STIM1: variants seen among roughly 807,000 people sequenced by gnomAD.
The protein encoded by STIM1 is stromal interaction molecule 1.
A neutral mutation model predicts 74.7 loss-of-function variants in STIM1; 25 were observed. The ratio of observed to expected loss-of-function variants is 0.33; its 90% CI spans 0.24 to 0.47. The LOEUF (loss-of-function observed/expected upper bound fraction) is 0.47, where lower values mean the gene tolerates loss of function less well. STIM1 is among the 20% of genes least tolerant of loss of function. STIM1 has a pLI of 1.00. For missense variants in STIM1, 728 were observed against 920.8 expected, an observed-to-expected ratio of 0.79 and a Z score of 2.71; for synonymous variants, 328 against 348.8, an observed-to-expected ratio of 0.94 and a Z score of 0.66.
At chr11:4,086,736 C>T in intron 12 of STIM1, 193 bp downstream of exon 12, 1 of 1,537,738 alleles carries the variant, frequency 6.5e-7, no homozygotes, top group Middle Eastern at 1.7e-4. Context: ...CCACCTTCAC[C>T]ACCGTCCATG....
chr11:3,941,673 T>TAGAGAGAGAGAGAGAGAGAG (rs1554959602), intron 1 of STIM1, among the ~76,000 whole-genome samples: 2 of 90,736 alleles, frequency 2.2e-5, no homozygotes, highest in African/African-American at 7.4e-5. Flanking sequence ...TATATATATA[T>TAGAGAGAGAGAGAGAGAGAG]AGAGAGAGAG....
rs528636362 is a variant in STIM1 at position 4,024,231 on chromosome 11, C to T, written c.385+244C>T. On this transcript the variant is annotated intron_variant, in intron 3 of 12. Coordinates refer to ENST00000526596, the MANE Select transcript of STIM1 (RefSeq NM_001382567.1). ...TTTTGAATTCTATCCTATTCCTACC[C>T]CTTTCGTCACCCACCTAACCCTGGC... Among the ~76,000 whole-genome samples, 55 of 152,228 alleles carry T rather than the reference C, an allele frequency of 3.6e-4. 2 individuals carry two copies. In the East Asian group the frequency reaches 4.8e-3, roughly 13 times the overall value.
intron 11 of STIM1, 144 bp downstream of exon 11, chr11:4,084,909 G>C: frequency 1.7e-6 from 1 of 586,684 alleles, no homozygotes; most frequent in Non-Finnish European, 2.7e-6. Flanking sequence ...ACTAACTACA[G>C]GGAGGGGTTC....
At chr11:4,039,518 A>C (rs2094130943) in intron 3 of STIM1, among the ~76,000 whole-genome samples, 1 of 143,932 alleles carries the variant, frequency 6.9e-6, no homozygotes, top group African/African-American at 2.5e-5. Flanking sequence ...CCCAGGAGGC[A>C]GAGGTTGCAG....
intron 1 of STIM1, among the ~76,000 whole-genome samples, chr11:3,933,632 C>T (rs1037758937): frequency 1.3e-5 from 2 of 152,178 alleles, no homozygotes; most frequent in African/African-American, 2.4e-5. Context: ...TAAGGATTCT[C>T]AACATGGCTG....
intron 2 of STIM1, among the ~76,000 whole-genome samples, chr11:3,982,155 T>C (rs1211971904): frequency 1.6e-5 from 2 of 122,880 alleles, no homozygotes; most frequent in East Asian, 2.5e-4. Flanking sequence ...GCCTCCTGAG[T>C]AGCTGGGACT....
intron 2 of STIM1, among the ~76,000 whole-genome samples, chr11:3,971,252 G>A (rs1409501471): frequency 1.3e-5 from 2 of 150,698 alleles, no homozygotes; most frequent in South Asian, 2.1e-4. Context: ...AAAAAGGGCC[G>A]GGCACGGTGG....
In STIM1 at chr11:4,091,583, C is replaced by G; in HGVS notation, c.1936C>G (p.Arg646Gly). Residue 646 changes from arginine (R) to glycine (G), a missense_variant, in exon 13 of 13, where the codon CGT (arginine) becomes GGT (glycine). Coordinates refer to ENST00000526596, the MANE Select transcript of STIM1 (RefSeq NM_001382567.1). Reference sequence around the variant, plus strand: ...TGGCTCTCCACATTTGGATTCTTCCCGTTCTCACAGCCCCAGCTCCCCAGA... The same window carrying G: ...TGGCTCTCCACATTTGGATTCTTCCGGTTCTCACAGCCCCAGCTCCCCAGA... ...PGGSPHLDSS[R>G]SHSPSSPDPD... 6.2e-7 allele frequency: 1 copy of G among 1,614,216 alleles called. No homozygotes were observed. The highest frequency in any genetic ancestry group is 8.5e-7 in the Non-Finnish European group (1 of 1,180,044).
chr11:3,856,992 G>A (rs1456997919), intron 1 of STIM1, among the ~76,000 whole-genome samples: 1 of 150,624 alleles, frequency 6.6e-6, no homozygotes, highest in Non-Finnish European at 1.5e-5. Flanking sequence ...CAACTAGGGT[G>A]TTAAATGGCC....
At chr11:3,966,456 G>A (rs1292714179) in intron 1 of STIM1, among the ~76,000 whole-genome samples, 1 of 152,126 alleles carries the variant, frequency 6.6e-6, no homozygotes, top group Non-Finnish European at 1.5e-5. Context: ...TTTGATTAGT[G>A]CCTTCTAAAA....
At chr11:4,070,254 C>A (rs767209828) in intron 6 of STIM1, 51 bp downstream of exon 6, 2 of 1,608,022 alleles carry the variant, frequency 1.2e-6, no homozygotes, top group East Asian at 2.2e-5. Flanking sequence ...TCTTGGGAAC[C>A]TCCTATTTCC....
At chr11:4,081,560 G>T (rs2094465521) in intron 7 of STIM1, among the ~76,000 whole-genome samples, 1 of 152,224 alleles carries the variant, frequency 6.6e-6, no homozygotes, top group African/African-American at 2.4e-5. Flanking sequence ...CCCTTCTGAA[G>T]TACCAATCAT....
At chr11:4,015,861 T>C (rs2093891397) in intron 2 of STIM1, among the ~76,000 whole-genome samples, 1 of 152,336 alleles carries the variant, frequency 6.6e-6, no homozygotes, top group Middle Eastern at 3.4e-3. Context: ...GTATGCTTCA[T>C]GAAGTTCTCG....
chr11:4,005,642 A>C (rs1475308399), intron 2 of STIM1, among the ~76,000 whole-genome samples: 2 of 151,964 alleles, frequency 1.3e-5, no homozygotes, highest in African/African-American at 4.8e-5. Flanking sequence ...TGACGAGTTA[A>C]TGGGTGCAGC....
chr11:3,864,426 T>A (rs889754680), intron 1 of STIM1, among the ~76,000 whole-genome samples: 1 of 152,144 alleles, frequency 6.6e-6, no homozygotes, highest in Non-Finnish European at 1.5e-5. Flanking sequence ...GGCTGAAGAC[T>A]CTATTTGGGG....
chr11:3,970,954 T>C (rs1328682840), intron 2 of STIM1, among the ~76,000 whole-genome samples: 3 of 152,168 alleles, frequency 2.0e-5, no homozygotes, highest in Non-Finnish European at 4.4e-5. Flanking sequence ...ACTTTACAAA[T>C]AATGGAATGT....
intron 10 of STIM1, chr11:4,083,705 G>T: frequency 3.3e-6 from 2 of 607,364 alleles, no homozygotes; most frequent in Non-Finnish European, 5.8e-6. Flanking sequence ...TATGCTCTGT[G>T]TGCCCCTTTG....
chr11:3,863,775 A>G (rs1012739749), intron 1 of STIM1, among the ~76,000 whole-genome samples: 3 of 152,148 alleles, frequency 2.0e-5, no homozygotes, highest in Admixed American at 6.5e-5. Context: ...TCTTGGTGTC[A>G]CAGTGCTTGC....
chr11:4,008,393 A>G (rs1164088680), intron 2 of STIM1, among the ~76,000 whole-genome samples: 1 of 152,176 alleles, frequency 6.6e-6, no homozygotes, highest in African/African-American at 2.4e-5. Flanking sequence ...CAATTTTAAC[A>G]GAGGCTAATT....
Sources: gnomAD v4.1 joint callset for allele counts (sites outside exome capture counted in the v4.1 genomes callset) on GRCh38, gnomAD v4.1.1 for gene constraint, MANE v1.5 for transcripts, NCBI Gene and HGNC (gene_info 2026-07-23, HGNC 2026-07-21) for gene names.